Variants in PIAS2 observed in about 807,000 individuals in gnomAD.
PIAS2 encodes the protein protein inhibitor of activated STAT 2.
Under a neutral mutation model 69.7 loss-of-function variants are expected in PIAS2, and 19 were observed. The ratio of observed to expected loss-of-function variants is 0.27; its 90% CI spans 0.19 to 0.40. PIAS2 has a LOEUF of 0.40. Among genes scored for constraint, PIAS2 ranks in the 10% least tolerant of loss-of-function variants. PIAS2 has a pLI of 1.00. For synonymous variants in PIAS2, 261 were observed against 263.2 expected (o/e 0.99, Z 0.08); for missense variants, 624 against 757.0 (o/e 0.82, Z 2.06).
intron 2 of PIAS2, among the ~76,000 whole-genome samples, chr18:46,886,105 T>C (rs1033502506): frequency 7.9e-5 from 12 of 152,144 alleles, no homozygotes; most frequent in African/African-American, 2.9e-4. Context: ...CTACAGCATC[T>C]TCACTTAGTC....
At position 46,890,938 on chromosome 18, in the gene PIAS2, G is replaced by A. The variant is rs1403959955; in HGVS notation, c.141C>T (p.Ser47=). The A allele has an allele frequency of 2.8e-5, 45 of 1,613,900 alleles. No homozygotes were observed. Among genetic ancestry groups the A allele is most frequent in the Non-Finnish European group, 3.5e-5 (41 of 1,179,940 alleles). Residue 47 remains serine, a synonymous_variant, in exon 2 of 14, where the codon AGC becomes AGT. Transcript: ENST00000585916. ...TAATCTGAACCGCAGGGCTGCAGCC[G>A]CTCTTCAATAAATGCAGCGCCCTCA... ...LLMRALHLLK[S]GCSPAVQIKI... is the part of the protein sequence containing the mutation.
chr18:46,833,347 T>G (rs906583167), intron 9 of PIAS2, among the ~76,000 whole-genome samples: 1 of 152,150 alleles, frequency 6.6e-6, no homozygotes, highest in Non-Finnish European at 1.5e-5. Context: ...AACTAATCTA[T>G]AGAAACAGAA....
intron 6 of PIAS2, among the ~76,000 whole-genome samples, chr18:46,845,301 CA>C (rs2046002237): frequency 1.3e-5 from 2 of 152,168 alleles, no homozygotes; most frequent in Admixed American, 1.3e-4. Context: ...TCTGAATTAA[CA>C]CTGCAAATCC....
Position 46,844,056 on chromosome 18 carries a change from G to T in PIAS2, c.1039C>A (p.Pro347Thr). Residue 347 changes from proline to threonine, a missense_variant and splice_region_variant, in exon 8 of 14, where the codon CCT (proline) becomes ACT (threonine). Physicochemically the swap from Pro to Thr is conservative, Grantham distance 38. Coordinates refer to ENST00000585916, the MANE Select transcript of PIAS2 (RefSeq NM_004671.5). ...AAATGTTTTGTTGCTTTACTTACAG[G>T]GCACATCAAGGATACCCGAAGGCTA... is the stretch of plus-strand genomic sequence containing the variant. ...TTSLRVSLMC[P>T]LGKMRLTIPC... 2 of 1,501,604 alleles carry T rather than the reference G, an allele frequency of 1.3e-6. No homozygotes were observed. Among genetic ancestry groups the T allele is most frequent in the South Asian group, 1.4e-5 (1 of 70,480 alleles). The allele number at this position is 1,501,604 out of a possible 1,614,324, so 93.0% of individuals were successfully genotyped here. A position where few individuals can be genotyped will look rare whatever the true frequency, so the allele number is the denominator to read the frequency against.
At chr18:46,860,102 G>C (rs547488902) in intron 3 of PIAS2, among the ~76,000 whole-genome samples, 6 of 152,334 alleles carry the variant, frequency 3.9e-5, no homozygotes, top group African/African-American at 4.8e-5. Flanking sequence ...TACAGGCAAA[G>C]GGGAGGGAGC....
intron 1 of PIAS2, among the ~76,000 whole-genome samples, chr18:46,908,724 T>C (rs767402279): frequency 4.6e-5 from 7 of 152,156 alleles, no homozygotes; most frequent in Non-Finnish European, 1.0e-4. Context: ...AAAAAACGCA[T>C]AAGGCTGGAT....
At chr18:46,872,777 T>A (rs2145736842) in intron 2 of PIAS2, among the ~76,000 whole-genome samples, 1 of 152,300 alleles carries the variant, frequency 6.6e-6, no homozygotes, top group Admixed American at 6.5e-5. Flanking sequence ...TGGGTATTGC[T>A]GACTATGGAT....
At chr18:46,819,863 T>C (rs2041977866) in intron 12 of PIAS2, among the ~76,000 whole-genome samples, 1 of 152,088 alleles carries the variant, frequency 6.6e-6, no homozygotes, top group Non-Finnish European at 1.5e-5. Flanking sequence ...AATTTTGTAA[T>C]ATGGCCTTGG....
chr18:46,911,800 C>T (rs2057295169), intron 1 of PIAS2, among the ~76,000 whole-genome samples: 1 of 152,218 alleles, frequency 6.6e-6, no homozygotes, highest in Non-Finnish European at 1.5e-5. Context: ...AATCCCACCA[C>T]TTTGGGAGGC....
At chr18:46,829,329 C>T (rs2043260929) in intron 10 of PIAS2, among the ~76,000 whole-genome samples, 1 of 152,128 alleles carries the variant, frequency 6.6e-6, no homozygotes, top group Non-Finnish European at 1.5e-5. Context: ...AACCTGTGAC[C>T]ATCCCCAAAC....
chr18:46,896,165 C>CAAAAAAAAAAAAAAAAAAAAAAAAAAA (rs1199712335), intron 1 of PIAS2, among the ~76,000 whole-genome samples: 1 of 31,952 alleles, frequency 3.1e-5, no homozygotes, highest in African/African-American at 1.2e-4. Flanking sequence ...AAGAAAAAAG[C>CAAAAAAAAAAAAAAAAAAAAAAAAAAA]AAAAAAAAAA....
At chr18:46,872,380 G>A (rs1329576532) in intron 2 of PIAS2, among the ~76,000 whole-genome samples, 1 of 152,222 alleles carries the variant, frequency 6.6e-6, no homozygotes, top group Non-Finnish European at 1.5e-5. Context: ...TCCTCATTCT[G>A]AGCGAAAGCA....
rs1206686255 is a variant in PIAS2 at position 46,803,671 on chromosome 18, C to G, written c.*8762G>C. 1.3e-5 allele frequency: 2 copies of G among 152,178 alleles called. No individual in the cohort carries two copies. Among genetic ancestry groups the G allele is most frequent in the Non-Finnish European group, 2.9e-5 (2 of 68,028 alleles). 9.4% of individuals were successfully genotyped at this position (152,178 alleles called of 1,614,324 possible). A position where few individuals can be genotyped will look rare whatever the true frequency, so the allele number is the denominator to read the frequency against. ...ATAATGATTTGGGTCAGGTGGCTAGCCATCACAGTGAGGATAAATTATGTT... is the reference window on the plus strand; with the variant it reads ...ATAATGATTTGGGTCAGGTGGCTAGGCATCACAGTGAGGATAAATTATGTT... On this transcript the variant is annotated 3_prime_UTR_variant, in exon 14 of 14. Transcript: ENST00000585916.
intron 2 of PIAS2, among the ~76,000 whole-genome samples, chr18:46,888,919 G>A (rs1490583000): frequency 4.6e-5 from 7 of 152,072 alleles, no homozygotes; most frequent in African/African-American, 1.7e-4. Context: ...CAGAGAACCT[G>A]GAAATAAAAC....
In PIAS2 at chr18:46,806,125, A is replaced by C. The variant is rs1055539101; in HGVS notation, c.*6308T>G. 1 of 152,106 alleles carries C rather than the reference A, an allele frequency of 6.6e-6. No homozygotes were observed. The highest frequency in any genetic ancestry group is 1.5e-5 in the Non-Finnish European group (1 of 68,034). 9.4% of individuals were successfully genotyped at this position (152,106 alleles called of 1,614,324 possible). On this transcript the variant is annotated 3_prime_UTR_variant, in exon 14 of 14. Transcript: ENST00000585916. ...CTCATAATTTTAAGTCTAGATTCCC[A>C]TATCAGTCTCCTAGATAGCACAGCT... is the stretch of plus-strand genomic sequence containing the variant.
intron 1 of PIAS2, among the ~76,000 whole-genome samples, chr18:46,912,309 C>T (rs2057360076): frequency 6.6e-6 from 1 of 152,202 alleles, no homozygotes; most frequent in African/African-American, 2.4e-5. Context: ...TATACACATC[C>T]TCCTACGTAC....
rs756846092 is a variant in PIAS2, at chr18:46,828,105, A to C, written c.1362T>G (p.Cys454Trp). The change falls in exon 11 of 14, where the codon TGT becomes TGG. Residue 454 changes from cysteine (C) to tryptophan (W), a missense_variant. Physicochemically the swap from Cys to Trp is radical, Grantham distance 215. Coordinates refer to ENST00000585916, the MANE Select transcript of PIAS2 (RefSeq NM_004671.5). ...IESSSVLSKPCSVTVASEASK... is the reference protein window; with the variant it reads ...IESSSVLSKPWSVTVASEASK... Reference sequence around the variant, plus strand: ...TTGCCTCACTGGCTACAGTCACTGAACAAGGCTTACTGAGGACGCTTGAAC... The same window carrying C: ...TTGCCTCACTGGCTACAGTCACTGACCAAGGCTTACTGAGGACGCTTGAAC... 1 of 1,612,882 alleles carries C rather than the reference A, an allele frequency of 6.2e-7. No individual in the cohort carries two copies. The highest frequency in any genetic ancestry group is 1.7e-5 in the Admixed American group (1 of 59,766).
At chr18:46,908,754 A>C (rs556920431) in intron 1 of PIAS2, among the ~76,000 whole-genome samples, 17 of 152,350 alleles carry the variant, frequency 1.1e-4, no homozygotes, top group African/African-American at 3.8e-4. Flanking sequence ...CATGCCTATA[A>C]TCCCAGCACT....
At chr18:46,882,068 G>T (rs1190983482) in intron 2 of PIAS2, among the ~76,000 whole-genome samples, 2 of 152,094 alleles carry the variant, frequency 1.3e-5, no homozygotes, top group Non-Finnish European at 2.9e-5. Context: ...CTGCATTCCA[G>T]CCTGGGTGAC....
Sources: gnomAD v4.1 joint callset for allele counts (sites outside exome capture counted in the v4.1 genomes callset) on GRCh38, gnomAD v4.1.1 for gene constraint, MANE v1.5 for transcripts, NCBI Gene and HGNC (gene_info 2026-07-23, HGNC 2026-07-21) for gene names.